The following SLC6A3 variants were observed in gnomAD, a reference collection of about 807,000 sequenced individuals.
The protein encoded by SLC6A3 is sodium-dependent dopamine transporter.
A neutral mutation model predicts 70.4 loss-of-function variants in SLC6A3; 19 were observed. The observed-to-expected ratio is 0.27, with a 90% CI of 0.19 to 0.40. The LOEUF (loss-of-function observed/expected upper bound fraction) is 0.40. Ranked by LOEUF, SLC6A3 falls within the 10% of genes least tolerant of loss-of-function variation. The pLI, the probability that SLC6A3 is intolerant of heterozygous loss-of-function variation, is 1.00. For synonymous variants in SLC6A3, 368 were observed against 356.6 expected (o/e 1.03, Z -0.36); for missense variants, 613 against 838.5 (o/e 0.73, Z 3.32).
intron 6 of SLC6A3, among the ~76,000 whole-genome samples, chr5:1,419,399 A>T (rs1756383934): frequency 6.6e-6 from 1 of 152,026 alleles, no homozygotes; most frequent in South Asian, 2.1e-4. Flanking sequence ...CTAATTTCTG[A>T]CATCTCATCT....
chr5:1,412,176 C>T (rs1436281655), intron 8 of SLC6A3, among the ~76,000 whole-genome samples: 1 of 152,256 alleles, frequency 6.6e-6, no homozygotes, highest in Non-Finnish European at 1.5e-5. Flanking sequence ...TGAGGTTAGA[C>T]GTGGCTGCAC....
chr5:1,394,605 T>G lies in SLC6A3; in HGVS notation c.*130A>C. 2.2e-6 allele frequency: 2 copies of G among 902,996 alleles called. No homozygotes were observed. Among genetic ancestry groups the G allele is most frequent in the Non-Finnish European group, 3.7e-6 (2 of 535,100 alleles). 55.9% of individuals were successfully genotyped at this position (902,996 alleles called of 1,614,324 possible). On this transcript the variant is annotated 3_prime_UTR_variant, in exon 15 of 15. Coordinates refer to ENST00000270349, the MANE Select transcript of SLC6A3 (RefSeq NM_001044.5). This position sits in a 1 kb window ranked among gnomAD's most constrained non-coding sequence, Gnocchi z 4.7. ...CAGAAGAGAGGAGTCTTCTGCTTTG[T>G]TGTTTGTGTTTTCAGTAGAGGTTGA...
Position 1,443,006 on chromosome 5 carries a change from G to T in SLC6A3, c.192C>A (p.Gly64=), listed in dbSNP as rs1458956200. Residue 64 remains glycine (G), a synonymous_variant, in exon 2 of 15, where the codon GGC becomes GGA. Coordinates refer to ENST00000270349, the MANE Select transcript of SLC6A3 (RefSeq NM_001044.5). ...CGGACAGGAGAAAGTCGATCTTCTT[G>T]CCCCAGGTCTCCCGATCCTGGGCCT... ...PVEAQDRETW[G]KKIDFLLSVI... 2 of 1,614,044 alleles carry T rather than the reference G, an allele frequency of 1.2e-6. No individual in the cohort carries two copies. The highest frequency in any genetic ancestry group is 1.7e-6 in the Non-Finnish European group (2 of 1,180,044).
intron 2 of SLC6A3, 43 bp from the exon 3 acceptor site, chr5:1,441,533 GC>G: frequency 6.2e-7 from 1 of 1,605,244 alleles, no homozygotes; most frequent in South Asian, 1.1e-5. Context: ...CCTCGGAAGG[GC>G]CCATCTCTCC....
chr5:1,439,017 G>A (rs1756904970), intron 3 of SLC6A3, among the ~76,000 whole-genome samples: 1 of 152,212 alleles, frequency 6.6e-6, no homozygotes, highest in South Asian at 2.1e-4. Flanking sequence ...AAACACGTCC[G>A]TGCCGCTGGC....
intron 6 of SLC6A3, 108 bp from the exon 7 acceptor site, chr5:1,416,309 A>C: frequency 1.3e-6 from 1 of 766,824 alleles, no homozygotes; most frequent in Non-Finnish European, 2.3e-6. Flanking sequence ...CTCTAAACTC[A>C]ACACCATCCT....
chr5:1,443,027 G>C lies in SLC6A3; in HGVS notation c.171C>G (p.Ala57=), dbSNP rs1156842746. Residue 57 remains alanine (A), a synonymous_variant, in exon 2 of 15, where the codon GCC becomes GCG. Transcript: ENST00000270349. ...LTNPRQSPVE[A]QDRETWGKKI... is the part of the protein sequence containing the mutation. ...TCTTGCCCCAGGTCTCCCGATCCTG[G>C]GCCTCCACGGGGCTCTGCCGCGGGT... 6.8e-6 allele frequency: 11 copies of C among 1,614,224 alleles called. No individual in the cohort carries two copies. The highest frequency in any genetic ancestry group is 9.3e-6 in the Non-Finnish European group (11 of 1,180,052).
At position 1,405,359 on chromosome 5, in the gene SLC6A3, C is replaced by G. The variant is rs754321622; in HGVS notation, c.1599+829G>C. On this transcript the variant is annotated intron_variant, in intron 12 of 14. Coordinates refer to ENST00000270349, the MANE Select transcript of SLC6A3 (RefSeq NM_001044.5). This position sits in a 1 kb window ranked among gnomAD's most constrained non-coding sequence, Gnocchi z 5.3. ...AGGTGACGAGGGGTCTCCACGCACG[C>G]GGGCCCTGCTGACTCCGGGACCAGC... is the stretch of plus-strand genomic sequence containing the variant. 6.6e-6 allele frequency among the ~76,000 whole-genome samples: 1 copy of G among 152,248 alleles called. No individual in the cohort carries two copies. The highest frequency in any genetic ancestry group is 1.5e-5 in the Non-Finnish European group (1 of 68,054).
chr5:1,439,809 T>C (rs1756929597), intron 3 of SLC6A3, among the ~76,000 whole-genome samples: 4 of 152,252 alleles, frequency 2.6e-5, no homozygotes, highest in Admixed American at 2.6e-4. Flanking sequence ...GAGGTGGCTT[T>C]GGCCCACTGG....
At position 1,401,156 on chromosome 5, in the gene SLC6A3, T is replaced by C; in HGVS notation, c.1768-170A>G. ...CATATCACCAGCGCCCACCACTGAC[T>C]TACACTGCCAGTGCCCATGCCGACC... is the stretch of plus-strand genomic sequence containing the variant. On this transcript the variant is annotated intron_variant, in intron 13 of 14. Transcript: ENST00000270349. This position sits in a 1 kb window ranked among gnomAD's most constrained non-coding sequence, Gnocchi z 6.1. The C allele has an allele frequency of 1.4e-6, 1 of 704,098 alleles. No individual in the cohort carries two copies. Among genetic ancestry groups the C allele is most frequent in the Admixed American group, 2.0e-5 (1 of 49,970 alleles). The allele number at this position is 704,098 out of a possible 1,614,324, so 43.6% of individuals were successfully genotyped here.
intron 3 of SLC6A3, among the ~76,000 whole-genome samples, chr5:1,434,781 G>C (rs962279892): frequency 3.3e-5 from 5 of 152,166 alleles, no homozygotes; most frequent in Non-Finnish European, 5.9e-5. Flanking sequence ...GGGTGGCCTG[G>C]GTTGCTTTTT....
chr5:1,441,531 G>A (rs758923416), intron 2 of SLC6A3, 41 bp from the exon 3 acceptor site: 3 of 1,608,152 alleles, frequency 1.9e-6, no homozygotes, highest in South Asian at 2.2e-5. Flanking sequence ...GGCCTCGGAA[G>A]GGCCCATCTC....
chr5:1,426,751 C>T (rs1344133792), intron 4 of SLC6A3, among the ~76,000 whole-genome samples: 1 of 152,062 alleles, frequency 6.6e-6, no homozygotes, highest in Non-Finnish European at 1.5e-5. Flanking sequence ...TTCACAGAGA[C>T]AGAAAGTAGA....
At chr5:1,398,842 G>A (rs1040615714) in intron 14 of SLC6A3, among the ~76,000 whole-genome samples, 2 of 152,208 alleles carry the variant, frequency 1.3e-5, no homozygotes, top group Non-Finnish European at 1.5e-5. Flanking sequence ...AGACTACAGA[G>A]AGCAAAACCT....
At position 1,394,695 on chromosome 5, in the gene SLC6A3, A is replaced by T; in HGVS notation, c.*40T>A. 6.2e-7 allele frequency: 1 copy of T among 1,604,172 alleles called. No individual in the cohort carries two copies. Among genetic ancestry groups the T allele is most frequent in the East Asian group, 2.2e-5 (1 of 44,816 alleles). The stretch of plus-strand genomic sequence containing the variant: ...TCCTTGGTTTGTTCGTGTCTCTCCC[A>T]TTGCAGGATGACTTCCTGGGGTCTT... On this transcript the variant is annotated 3_prime_UTR_variant, in exon 15 of 15. Transcript: ENST00000270349. This position sits in a 1 kb window ranked among gnomAD's most constrained non-coding sequence, Gnocchi z 4.7.
rs1331943601 is a variant in SLC6A3, at chr5:1,405,340, C to T, written c.1599+848G>A. On this transcript the variant is annotated intron_variant, in intron 12 of 14. Coordinates refer to ENST00000270349, the MANE Select transcript of SLC6A3 (RefSeq NM_001044.5). The surrounding 1 kb of genome is among the most constrained non-coding windows in gnomAD (Gnocchi z 5.3). ...TGTCCCACCTGCTGTGTGCAGGTGA[C>T]GAGGGGTCTCCACGCACGCGGGCCC... 1.3e-5 allele frequency among the ~76,000 whole-genome samples: 2 copies of T among 152,188 alleles called. No individual in the cohort carries two copies. The highest frequency in any genetic ancestry group is 2.9e-5 in the Non-Finnish European group (2 of 68,032).
At chr5:1,434,801 A>T (rs1756791148) in intron 3 of SLC6A3, among the ~76,000 whole-genome samples, 1 of 152,174 alleles carries the variant, frequency 6.6e-6, no homozygotes, top group Non-Finnish European at 1.5e-5. Context: ...TATAGTCTCA[A>T]TCCTTAGGAG....
intron 12 of SLC6A3, among the ~76,000 whole-genome samples, chr5:1,403,556 T>C (rs908272436): frequency 9.0e-5 from 13 of 144,412 alleles, no homozygotes; most frequent in Admixed American, 5.5e-4. Context: ...TCCCATCCCA[T>C]CCCTTCCTGC....
intron 4 of SLC6A3, among the ~76,000 whole-genome samples, chr5:1,422,413 G>T (rs1238429228): frequency 9.7e-6 from 1 of 103,500 alleles, no homozygotes; most frequent in Non-Finnish European, 1.9e-5. Flanking sequence ...GCTGCCCACG[G>T]TGCTGCCCAC....
Sources: allele counts gnomAD v4.1 joint callset (sites outside exome capture counted in the v4.1 genomes callset), GRCh38; gene constraint gnomAD v4.1.1; non-coding constraint Gnocchi (gnomAD v3.1); transcripts MANE v1.5; gene names NCBI Gene and HGNC (gene_info 2026-07-23, HGNC 2026-07-21).